Variants in ERAP2 observed in about 807,000 individuals in gnomAD.
ERAP2 encodes endoplasmic reticulum aminopeptidase 2.
A neutral mutation model predicts 111.1 loss-of-function variants in ERAP2; 118 were observed. That is an observed-to-expected ratio of 1.06 (90% CI 0.92 to 1.24). The LOEUF (loss-of-function observed/expected upper bound fraction) is 1.24, where lower values mean the gene tolerates loss of function less well. ERAP2 is among the 50% of genes most tolerant of loss of function. ERAP2 has a pLI of 0.00. For synonymous variants in ERAP2, 410 were observed against 401.2 expected, an observed-to-expected ratio of 1.02 and a Z score of -0.26; for missense variants, 1,131 against 1,125.8, an observed-to-expected ratio of 1.00 and a Z score of -0.07.
chr5:96,908,680 A>G (rs1341532541), intron 13 of ERAP2, among the ~76,000 whole-genome samples: 4 of 152,190 alleles, frequency 2.6e-5, no homozygotes, highest in Non-Finnish European at 5.9e-5. Context: ...CATTATTCTA[A>G]ATGCTTTTTA....
chr5:96,912,261 T>C (rs1428219820), intron 15 of ERAP2, among the ~76,000 whole-genome samples: 1 of 148,050 alleles, frequency 6.8e-6, no homozygotes, highest in Admixed American at 6.9e-5. Flanking sequence ...CAAGTAATCA[T>C]CTTTAAAAAA....
intron 15 of ERAP2, among the ~76,000 whole-genome samples, chr5:96,911,714 A>G (rs1786755523): frequency 6.6e-6 from 1 of 151,730 alleles, no homozygotes; most frequent in Admixed American, 6.6e-5. Flanking sequence ...TCTACAAAAA[A>G]ATTTAAAAAT....
At chr5:96,877,447 T>C (rs768637816) in intron 1 of ERAP2, among the ~76,000 whole-genome samples, 5 of 152,184 alleles carry the variant, frequency 3.3e-5, no homozygotes, top group Non-Finnish European at 7.3e-5. Flanking sequence ...ATTTTGGCCA[T>C]TGAATGCAAG....
At chr5:96,889,383 A>T (rs745360068) in intron 5 of ERAP2, 78 bp downstream of exon 5, 2 of 1,507,070 alleles carry the variant, frequency 1.3e-6, no homozygotes, top group Admixed American at 1.7e-5. Context: ...TTCTCTTTCT[A>T]TGTGATTTAA....
At chr5:96,890,624 C>A (rs1468415406) in intron 5 of ERAP2, among the ~76,000 whole-genome samples, 1 of 152,156 alleles carries the variant, frequency 6.6e-6, no homozygotes, top group Non-Finnish European at 1.5e-5. Context: ...TACTTCTTAT[C>A]CTGTCCTTTT....
At position 96,888,702 on chromosome 5, in the gene ERAP2, T is replaced by C. The variant is rs138401667; in HGVS notation, c.850-483T>C. On this transcript the variant is annotated intron_variant, in intron 4 of 18. Coordinates refer to ENST00000437043, the MANE Select transcript of ERAP2 (RefSeq NM_022350.5). ...ATAGCTAATTTCTTTGGGGGAGCCA[T>C]TGAACATATTTGAGCATTTCTTAGT... is the stretch of plus-strand genomic sequence containing the variant. Among the ~76,000 whole-genome samples, 187 of 152,364 alleles carry C rather than the reference T, an allele frequency of 1.2e-3. 1 individual carries two copies. The highest frequency in any genetic ancestry group is 4.4e-3 in the African/African-American group (183 of 41,582).
At chr5:96,887,162 T>A (rs1783842166) in intron 4 of ERAP2, among the ~76,000 whole-genome samples, 1 of 150,656 alleles carries the variant, frequency 6.6e-6, no homozygotes, top group Non-Finnish European at 1.5e-5. Context: ...ATATATTGAC[T>A]ATTTTTAACC....
chr5:96,895,256 A>C lies in ERAP2; in HGVS notation c.1136A>C (p.Asn379Thr), dbSNP rs778855735. The change falls in exon 7 of 19, where the codon AAC becomes ACC. Residue 379 changes from asparagine (N) to threonine (T), a missense_variant. This residue lies in a region of ERAP2 where 847 missense variants were observed against 856.5 expected (regional missense o/e 0.99). Coordinates refer to ENST00000437043, the MANE Select transcript of ERAP2 (RefSeq NM_022350.5). ...GTTTTTACCTCCTAGTGGTTTGGCA[A>C]CCTGGTCACAATGGAATGGTGGAAT... The part of the protein sequence containing the change: ...AHELAHQWFG[N>T]LVTMEWWNDI... The C allele has an allele frequency of 1.2e-6, 2 of 1,607,878 alleles. No individual in the cohort carries two copies. The highest frequency in any genetic ancestry group is 2.2e-5 in the East Asian group (1 of 44,752).
At chr5:96,912,206 A>AG (rs1786872851) in intron 15 of ERAP2, among the ~76,000 whole-genome samples, 1 of 146,374 alleles carries the variant, frequency 6.8e-6, no homozygotes, top group Admixed American at 6.8e-5. Flanking sequence ...AAAAAAAAAG[A>AG]AAAGAAAAGA....
chr5:96,895,944 T>C (rs953896492), intron 7 of ERAP2, among the ~76,000 whole-genome samples: 2 of 152,228 alleles, frequency 1.3e-5, no homozygotes, highest in African/African-American at 2.4e-5. Context: ...TAGGCTCTTC[T>C]TGTTACTGTG....
At chr5:96,915,135 G>A (rs1787230343) in intron 17 of ERAP2, among the ~76,000 whole-genome samples, 1 of 152,044 alleles carries the variant, frequency 6.6e-6, no homozygotes, top group Admixed American at 6.5e-5. Context: ...AGCCTCCTGA[G>A]TAGCTGGGAT....
chr5:96,898,670 G>A (rs1255945801), intron 9 of ERAP2, among the ~76,000 whole-genome samples: 2 of 151,946 alleles, frequency 1.3e-5, no homozygotes, highest in Admixed American at 6.6e-5. Context: ...AATCCAGGAG[G>A]CGGAGTTGCA....
chr5:96,893,371 A>G (rs1346707777), intron 6 of ERAP2, among the ~76,000 whole-genome samples: 1 of 152,160 alleles, frequency 6.6e-6, no homozygotes, highest in Non-Finnish European at 1.5e-5. Context: ...CACAATAATG[A>G]GCTGTTGTTC....
chr5:96,887,796 A>C (rs1347691198), intron 4 of ERAP2, among the ~76,000 whole-genome samples: 1 of 152,254 alleles, frequency 6.6e-6, no homozygotes, highest in Non-Finnish European at 1.5e-5. Flanking sequence ...ATAGACTTAA[A>C]AACATTTTTA....
chr5:96,893,521 G>T (rs4869314), intron 6 of ERAP2, among the ~76,000 whole-genome samples: 79,806 of 151,870 alleles, frequency 0.53, 21,055 homozygotes, highest in South Asian at 0.59. Context: ...GTCACCAGGA[G>T]CTCTAAAGCA....
Position 96,916,456 on chromosome 5 carries a change from CTT to C in ERAP2, c.2739+709_2739+710del, listed in dbSNP as rs745860227. 8.5e-4 allele frequency among the ~76,000 whole-genome samples: 83 copies of C among 97,614 alleles called. No homozygotes were observed. The South Asian group carries it at 9.2e-3, about 11-fold the overall frequency. The allele number at this position is 97,614 out of a possible 152,430, so 64.0% of individuals were successfully genotyped here. On this transcript the variant is annotated intron_variant, in intron 18 of 18. Coordinates refer to ENST00000437043, the MANE Select transcript of ERAP2 (RefSeq NM_022350.5). Reference sequence around the variant, plus strand: ...AACTATTGTTGGTAATTCTAGTTATCTTTTTTTTTTTTTTTTTTTTTTTGAGG... The same window carrying C: ...AACTATTGTTGGTAATTCTAGTTATCTTTTTTTTTTTTTTTTTTTTTGAGG...
In ERAP2 at chr5:96,903,644, T is replaced by C. The variant is rs879052165; in HGVS notation, c.2012+84T>C. On this transcript the variant is annotated intron_variant, in intron 13 of 18. Coordinates refer to ENST00000437043, the MANE Select transcript of ERAP2 (RefSeq NM_022350.5). ...AGACTTCAATATTGAATGTTCAACA[T>C]TGGTCATTGATTTAATATGGATTTG... 19 of 1,268,490 alleles carry C rather than the reference T, an allele frequency of 1.5e-5. No individual in the cohort carries two copies. In the South Asian group the frequency reaches 2.2e-4, roughly 15 times the overall value. 78.6% of individuals were successfully genotyped at this position (1,268,490 alleles called of 1,614,324 possible). A position where few individuals can be genotyped will look rare whatever the true frequency, so the allele number is the denominator to read the frequency against.
In ERAP2 at chr5:96,918,290, T is replaced by A. The variant is rs1787666148; in HGVS notation, c.*685T>A. The A allele has an allele frequency of 6.6e-6, 1 of 152,352 alleles. No homozygotes were observed. The highest frequency in any genetic ancestry group is 1.5e-5 in the Non-Finnish European group (1 of 68,056). 9.4% of individuals were successfully genotyped at this position (152,352 alleles called of 1,614,324 possible). ...ATGCCACTATTTTGCTTCTTTAATT[T>A]TTTTAACCTTGCTTAGTATTCTATA... On this transcript the variant is annotated 3_prime_UTR_variant, in exon 19 of 19. Transcript: ENST00000437043.
intron 5 of ERAP2, chr5:96,889,549 A>T: frequency 1.5e-6 from 1 of 684,252 alleles, no homozygotes; most frequent in African/African-American, 1.8e-5. Context: ...ATCTGCATCG[A>T]ACTCTTTCCC....
Sources: gnomAD v4.1 joint callset for allele counts (sites outside exome capture counted in the v4.1 genomes callset) on GRCh38, gnomAD v4.1.1 for gene constraint, gnomAD v4.1.1 regional missense constraint, MANE v1.5 for transcripts, NCBI Gene and HGNC (gene_info 2026-07-23, HGNC 2026-07-21) for gene names.